EIF2AK2: variants seen among roughly 807,000 people sequenced by gnomAD.
The protein encoded by EIF2AK2 is eukaryotic translation initiation factor 2 alpha kinase 2.
Under a neutral mutation model 70.5 loss-of-function variants are expected in EIF2AK2, and 40 were observed. That is an observed-to-expected ratio of 0.57 (90% CI 0.44 to 0.74). EIF2AK2 has a LOEUF of 0.74. Among genes scored for constraint, EIF2AK2 ranks in the 30% least tolerant of loss-of-function variants. The pLI, the probability that EIF2AK2 is intolerant of heterozygous loss-of-function variation, is 0.00. For missense variants in EIF2AK2, 555 were observed against 644.3 expected (o/e 0.86, Z 1.50); for synonymous variants, 198 against 220.9 (o/e 0.90, Z 0.92).
intron 4 of EIF2AK2, among the ~76,000 whole-genome samples, chr2:37,145,813 C>T (rs914005107): frequency 3.1e-5 from 4 of 130,758 alleles, no homozygotes; most frequent in Non-Finnish European, 6.2e-5. Flanking sequence ...AGTGCAGTGG[C>T]ACAACCTCAG....
chr2:37,140,907 T>C (rs570562632), intron 5 of EIF2AK2, among the ~76,000 whole-genome samples: 1 of 152,228 alleles, frequency 6.6e-6, no homozygotes, highest in Non-Finnish European at 1.5e-5. Flanking sequence ...TTGGTTGTAG[T>C]TGAAAAACAA....
chr2:37,114,644 G>T, intron 14 of EIF2AK2, 87 bp downstream of exon 14: 2 of 1,257,890 alleles, frequency 1.6e-6, no homozygotes, highest in Non-Finnish European at 2.1e-6. Flanking sequence ...CTTCTGTACA[G>T]TTTTAATTAT....
At chr2:37,111,634 G>A (rs1347615928) in intron 14 of EIF2AK2, among the ~76,000 whole-genome samples, 1 of 149,956 alleles carries the variant, frequency 6.7e-6, no homozygotes, top group Admixed American at 6.7e-5. Context: ...CAGGTGGATC[G>A]CTTAAGCCCA....
At position 37,103,184 on chromosome 2, in the gene EIF2AK2, A is replaced by C. The variant is rs1673867862; in HGVS notation, c.*4089T>G. ...ATTCATTTAATAAGAGTAGGAATAT[A>C]TATATCTTTTTTTTTCTTTTTTTTT... is the stretch of plus-strand genomic sequence containing the variant. On this transcript the variant is annotated 3_prime_UTR_variant, in exon 17 of 17. Transcript: ENST00000233057. 6.6e-6 allele frequency: 1 copy of C among 151,844 alleles called. No homozygotes were observed. Among genetic ancestry groups the C allele is most frequent in the East Asian group, 1.9e-4 (1 of 5,170 alleles). 9.4% of individuals were successfully genotyped at this position (151,844 alleles called of 1,614,324 possible).
In EIF2AK2 at chr2:37,148,898, G is replaced by C; in HGVS notation, c.-58C>G. ...TCCAAAATGCACGCAGATAATCACG[G>C]AAGTGTGGATGTTGATTCTGAAGAC... On this transcript the variant is annotated 5_prime_UTR_variant, in exon 2 of 17. Transcript: ENST00000233057. 2 of 830,290 alleles carry C rather than the reference G, an allele frequency of 2.4e-6. No individual in the cohort carries two copies. Among genetic ancestry groups the C allele is most frequent in the Non-Finnish European group, 4.3e-6 (2 of 465,534 alleles). 51.4% of individuals were successfully genotyped at this position (830,290 alleles called of 1,614,324 possible).
intron 13 of EIF2AK2, among the ~76,000 whole-genome samples, chr2:37,118,760 C>A (rs891003228): frequency 2.0e-5 from 3 of 152,202 alleles, no homozygotes; most frequent in African/African-American, 7.2e-5. Flanking sequence ...AGCCCCTGGG[C>A]AGACCACGGA....
rs1395739151 is a variant in EIF2AK2 at position 37,105,763 on chromosome 2, A to T, written c.*1510T>A. ...CTAGCATACCCCATGTTCCTCAAAT[A>T]TATCTTCTCCAGAGCTCATGCCAGA... On this transcript the variant is annotated 3_prime_UTR_variant, in exon 17 of 17. Transcript: ENST00000233057. 3.3e-5 allele frequency: 5 copies of T among 152,154 alleles called. No homozygotes were observed. The highest frequency in any genetic ancestry group is 1.2e-4 in the African/African-American group (5 of 41,418). 9.4% of individuals were successfully genotyped at this position (152,154 alleles called of 1,614,324 possible).
intron 1 of EIF2AK2, among the ~76,000 whole-genome samples, chr2:37,155,452 A>T (rs1675889075): frequency 6.6e-6 from 1 of 152,186 alleles, no homozygotes; most frequent in African/African-American, 2.4e-5. Flanking sequence ...CAATATCTGC[A>T]TTCTCTCTGT....
At chr2:37,111,937 CTCTA>C (rs1374639675) in intron 14 of EIF2AK2, among the ~76,000 whole-genome samples, 4 of 129,814 alleles carry the variant, frequency 3.1e-5, no homozygotes, top group South Asian at 2.5e-4. Context: ...CTCTCTCTCT[CTCTA>C]TATATATATA....
At position 37,126,967 on chromosome 2, in the gene EIF2AK2, GAAAAAAAAAAAAAAAAAAAAA is replaced by G. The variant is rs57802509; in HGVS notation, c.786-577_786-557del. Among the ~76,000 whole-genome samples the G allele has an allele frequency of 1.3e-4, 7 of 52,158 alleles. No homozygotes were observed. In the South Asian group the frequency reaches 4.4e-3, roughly 33 times the overall value. 34.2% of individuals were successfully genotyped at this position (52,158 alleles called of 152,430 possible). On this transcript the variant is annotated intron_variant, in intron 10 of 16. Transcript: ENST00000233057. ...AATGAAACTCCATCTCAAAAAAACA[GAAAAAAAAAAAAAAAAAAAAA>G]AAAAAAAAAAAAGCCATGATAAAAA...
In EIF2AK2 at chr2:37,101,514, G is replaced by C. The variant is rs1193064861; in HGVS notation, c.*5759C>G. ...AAAATCACTGAAAGTGGAACAATCA[G>C]ACATCATGTTCCTCCTGAAATGATG... On this transcript the variant is annotated 3_prime_UTR_variant, in exon 17 of 17. Coordinates refer to ENST00000233057, the MANE Select transcript of EIF2AK2 (RefSeq NM_001135651.3). 5 of 152,196 alleles carry C rather than the reference G, an allele frequency of 3.3e-5. No individual in the cohort carries two copies. The highest frequency in any genetic ancestry group is 1.2e-4 in the African/African-American group (5 of 41,452). The allele number at this position is 152,196 out of a possible 1,614,324, so 9.4% of individuals were successfully genotyped here. A position where few individuals can be genotyped will look rare whatever the true frequency, so the allele number is the denominator to read the frequency against.
intron 1 of EIF2AK2, 150 bp from the exon 2 acceptor site, chr2:37,149,173 ATGTTTCTATGCT>A (rs778132992): frequency 1.3e-5 from 13 of 1,031,748 alleles, no homozygotes; most frequent in Non-Finnish European, 2.0e-5. Context: ...ATTGTTTAGG[ATGTTTCTATGCT>A]TGTCGTGCCT....
At chr2:37,136,783 T>A (rs780235009) in intron 9 of EIF2AK2, 200 bp downstream of exon 9, 4 of 418,156 alleles carry the variant, frequency 9.6e-6, no homozygotes, top group South Asian at 4.1e-5. Context: ...CCAAAGTGCT[T>A]TATGTTTACA....
chr2:37,148,485 G>T, intron 2 of EIF2AK2: 1 of 540,702 alleles, frequency 1.8e-6, no homozygotes, highest in Non-Finnish European at 3.5e-6. Flanking sequence ...CCGTGACCTA[G>T]ATCTCTAGAC....
chr2:37,112,725 A>T (rs992295799), intron 14 of EIF2AK2, among the ~76,000 whole-genome samples: 2 of 152,236 alleles, frequency 1.3e-5, no homozygotes, highest in Non-Finnish European at 2.9e-5. Flanking sequence ...TGGGAATTTT[A>T]TATATGATAA....
chr2:37,104,667 A>T lies in EIF2AK2; in HGVS notation c.*2606T>A, dbSNP rs1405146583. ...AATACAATAAAGATTCAAACATTGC[A>T]TTTGGTCATTGTATCTTACAAGTCT... On this transcript the variant is annotated 3_prime_UTR_variant, in exon 17 of 17. Coordinates refer to ENST00000233057, the MANE Select transcript of EIF2AK2 (RefSeq NM_001135651.3). The T allele has an allele frequency of 1.3e-5, 2 of 150,294 alleles. No homozygotes were observed. The highest frequency in any genetic ancestry group is 3.0e-5 in the Non-Finnish European group (2 of 67,712). 9.3% of individuals were successfully genotyped at this position (150,294 alleles called of 1,614,324 possible).
rs1339755300 is a variant in EIF2AK2, at chr2:37,137,940, G to A, written c.687+330C>T. 9.2e-5 allele frequency among the ~76,000 whole-genome samples: 14 copies of A among 152,008 alleles called. No individual in the cohort carries two copies. In the East Asian group the frequency reaches 9.7e-4, roughly 10 times the overall value. ...AGCCTGAACAACATGGTGAAACCCC[G>A]TCTCTACTAAAAGTACAAAAATTAG... On this transcript the variant is annotated intron_variant, in intron 8 of 16. Transcript: ENST00000233057.
intron 8 of EIF2AK2, 57 bp downstream of exon 8, chr2:37,138,213 T>C: frequency 7.5e-7 from 1 of 1,341,766 alleles, no homozygotes; most frequent in Non-Finnish European, 1.0e-6. Flanking sequence ...TATTTTTAAA[T>C]GAGGAAACGC....
chr2:37,139,482 G>T, intron 6 of EIF2AK2, 149 bp downstream of exon 6: 2 of 1,134,244 alleles, frequency 1.8e-6, no homozygotes, highest in Non-Finnish European at 2.4e-6. Flanking sequence ...ATGGCCCCAT[G>T]GTGCATGGCT....
Sources: allele counts gnomAD v4.1 joint callset (sites outside exome capture counted in the v4.1 genomes callset), GRCh38; gene constraint gnomAD v4.1.1; transcripts MANE v1.5; gene names NCBI Gene and HGNC (gene_info 2026-07-23, HGNC 2026-07-21).